SYNE1: variants seen among roughly 807,000 people sequenced by gnomAD.
SYNE1 encodes the protein spectrin repeat containing nuclear envelope protein 1.
Under a neutral mutation model 1,111.0 loss-of-function variants are expected in SYNE1, and 616 were observed. The observed-to-expected ratio is 0.55, with a 90% CI of 0.52 to 0.59. SYNE1 has a LOEUF of 0.59. SYNE1 is among the 20% of genes least tolerant of loss of function. SYNE1 has a pLI of 0.00. For missense variants in SYNE1, 10,006 were observed against 10,417.0 expected (o/e 0.96, Z 1.72); for synonymous variants, 3,855 against 3,825.8 (o/e 1.01, Z -0.28).
chr6:152,628,275 C>T lies in SYNE1; in HGVS notation c.57G>A (p.Gln19=), dbSNP rs1449326545. The T allele has an allele frequency of 3.1e-6, 5 of 1,614,146 alleles. No individual in the cohort carries two copies. Among genetic ancestry groups the T allele is most frequent in the Non-Finnish European group, 4.2e-6 (5 of 1,180,034 alleles). The change falls in exon 3 of 146, where the codon CAG becomes CAA. Residue 19 remains glutamine (Q), a synonymous_variant. Coordinates refer to ENST00000367255, the MANE Select transcript of SYNE1 (RefSeq NM_182961.4). ...RCPRDIANVM[Q]RLQDEQEIVQ... ...ATTTCTTCCCCCTACCTTGCAGCCT[C>T]TGCATCACATTGGCGATATCCCGAG... is the stretch of plus-strand genomic sequence containing the variant.
At chr6:152,522,047 T>G (rs1467574689) in intron 5 of SYNE1, among the ~76,000 whole-genome samples, 51 of 151,868 alleles carry the variant, frequency 3.4e-4, no homozygotes, top group Non-Finnish European at 1.3e-4. Context: ...TTTTACCTTT[T>G]TCTGCTAGAA....
chr6:152,510,401 A>G lies in SYNE1; in HGVS notation c.403-30T>C, dbSNP rs554008902. On this transcript the variant is annotated intron_variant, in intron 7 of 145. Coordinates refer to ENST00000367255, the MANE Select transcript of SYNE1 (RefSeq NM_182961.4). Reference sequence around the variant, plus strand: ...TTGTGAGTTAACAGCCAGCAAAAATATAAGCATTATCTTTGTTATTATTTC... The same window carrying G: ...TTGTGAGTTAACAGCCAGCAAAAATGTAAGCATTATCTTTGTTATTATTTC... 2.5e-6 allele frequency: 4 copies of G among 1,610,172 alleles called. No individual in the cohort carries two copies. In the South Asian group the frequency reaches 3.3e-5, roughly 13 times the overall value.
At chr6:152,584,234 A>G (rs543280975) in intron 3 of SYNE1, among the ~76,000 whole-genome samples, 1 of 152,280 alleles carries the variant, frequency 6.6e-6, no homozygotes, top group Non-Finnish European at 1.5e-5. Flanking sequence ...GCCTGGCCAC[A>G]AAGTTTCAAT....
intron 13 of SYNE1, 116 bp from the exon 14 acceptor site, chr6:152,483,365 A>C: frequency 1.1e-6 from 1 of 893,280 alleles, no homozygotes; most frequent in Non-Finnish European, 1.7e-6. Context: ...TTTCAGGCTA[A>C]GTTAATAAAT....
intron 42 of SYNE1, among the ~76,000 whole-genome samples, chr6:152,413,013 G>A (rs2098091300): frequency 6.6e-6 from 1 of 151,818 alleles, no homozygotes; most frequent in South Asian, 2.1e-4. Context: ...TACCACACTC[G>A]GCAAATTTTT....
At chr6:152,256,612 C>T (rs1430723156) in intron 102 of SYNE1, 22 bp downstream of exon 102, 6 of 1,612,750 alleles carry the variant, frequency 3.7e-6, no homozygotes, top group Admixed American at 3.3e-5. Flanking sequence ...CCAAGCCAAA[C>T]ACACTGATAA....
intron 87 of SYNE1, among the ~76,000 whole-genome samples, chr6:152,314,824 G>A (rs937646382): frequency 1.3e-5 from 2 of 150,566 alleles, no homozygotes; most frequent in Admixed American, 6.6e-5. Flanking sequence ...GATGGCACGT[G>A]CCTGTAGTTC....
chr6:152,278,411 TC>T, intron 97 of SYNE1, 131 bp from the exon 98 acceptor site: 1 of 1,036,780 alleles, frequency 9.6e-7, no homozygotes, highest in Non-Finnish European at 1.5e-6. Context: ...TTTGTAGTTT[TC>T]CCACGGCCTT....
rs1240317654 is a variant in SYNE1, at chr6:152,140,173, T to C, written c.25247-12A>G. 4 of 1,613,702 alleles carry C rather than the reference T, an allele frequency of 2.5e-6. No individual in the cohort carries two copies. The highest frequency in any genetic ancestry group is 1.3e-5 in the African/African-American group (1 of 74,914). ...TCGGTCAATCACACCTGGCAAGACATGCATAGAACAGTGAGGTTATTTTCC... is the reference window on the plus strand; with the variant it reads ...TCGGTCAATCACACCTGGCAAGACACGCATAGAACAGTGAGGTTATTTTCC... On this transcript the variant is annotated splice_polypyrimidine_tract_variant and intron_variant, in intron 139 of 145. Coordinates refer to ENST00000367255, the MANE Select transcript of SYNE1 (RefSeq NM_182961.4).
intron 42 of SYNE1, among the ~76,000 whole-genome samples, chr6:152,412,851 A>ATTTTTTTATTT (rs2098086496): frequency 7.6e-6 from 1 of 131,662 alleles, no homozygotes; most frequent in African/African-American, 2.8e-5. Flanking sequence ...TTCACATGTA[A>ATTTTTTTATTT]TTTTTTTTTT....
At chr6:152,225,583 C>A in intron 116 of SYNE1, 138 bp downstream of exon 116, 6 of 1,005,604 alleles carry the variant, frequency 6.0e-6, no homozygotes, top group South Asian at 2.9e-5. Flanking sequence ...AAGAGGATAA[C>A]GAAGTGGACT....
intron 108 of SYNE1, among the ~76,000 whole-genome samples, chr6:152,237,893 T>C (rs994909216): frequency 1.3e-5 from 2 of 152,200 alleles, no homozygotes; most frequent in Non-Finnish European, 2.9e-5. Context: ...AGTTTCTCAG[T>C]GTGAGTATGC....
At position 152,331,490 on chromosome 6, in the gene SYNE1, T is replaced by C; in HGVS notation, c.13195A>G (p.Met4399Val). Reference sequence around the variant, plus strand: ...TCCTTTATAAGCGATTTCAGGAGCATCTGCTTGGCCTCCAGTTCACTGCAG... The same window carrying C: ...TCCTTTATAAGCGATTTCAGGAGCACCTGCTTGGCCTCCAGTTCACTGCAG... ...AICSELEAKQ[M>V]LLKSLIKDAD... Residue 4399 changes from methionine (M) to valine (V), a missense_variant, in exon 78 of 146, where the codon ATG becomes GTG. Transcript: ENST00000367255. 2 of 1,614,094 alleles carry C rather than the reference T, an allele frequency of 1.2e-6. No individual in the cohort carries two copies. The highest frequency in any genetic ancestry group is 8.5e-7 in the Non-Finnish European group (1 of 1,179,984).
At chr6:152,294,863 G>T (rs2153788602) in intron 93 of SYNE1, among the ~76,000 whole-genome samples, 1 of 152,254 alleles carries the variant, frequency 6.6e-6, no homozygotes, top group South Asian at 2.1e-4. Context: ...ATATAGTAAA[G>T]ATGGTTTTTA....
At chr6:152,611,061 T>C (rs1171655847) in intron 3 of SYNE1, among the ~76,000 whole-genome samples, 3 of 152,304 alleles carry the variant, frequency 2.0e-5, no homozygotes, top group East Asian at 1.9e-4. Flanking sequence ...GTAAAGACCA[T>C]TGATGCTATG....
At chr6:152,530,534 A>T (rs2099192034) in intron 4 of SYNE1, among the ~76,000 whole-genome samples, 1 of 151,196 alleles carries the variant, frequency 6.6e-6, no homozygotes, top group African/African-American at 2.4e-5. Context: ...CCTAGGGTCA[A>T]CTGTAGTCTG....
At chr6:152,419,918 A>C (rs1229971769) in intron 39 of SYNE1, among the ~76,000 whole-genome samples, 196 bp from the exon 40 acceptor site, 1 of 152,132 alleles carries the variant, frequency 6.6e-6, no homozygotes, top group Non-Finnish European at 1.5e-5. Context: ...CATTGCCACC[A>C]TTCACCCTGT....
chr6:152,511,346 T>C (rs939934551), intron 6 of SYNE1, among the ~76,000 whole-genome samples: 2 of 152,096 alleles, frequency 1.3e-5, no homozygotes, highest in African/African-American at 4.8e-5. Flanking sequence ...CTTCTTTTGT[T>C]TAAAGTTGAA....
At chr6:152,305,515 G>A (rs2095346470) in intron 91 of SYNE1, among the ~76,000 whole-genome samples, 3 of 152,046 alleles carry the variant, frequency 2.0e-5, no homozygotes, top group African/African-American at 4.8e-5. Flanking sequence ...TGCCCGCCTT[G>A]GCCTCCGAAA....
Sources: gnomAD v4.1 joint callset for allele counts (sites outside exome capture counted in the v4.1 genomes callset) on GRCh38, gnomAD v4.1.1 for gene constraint, MANE v1.5 for transcripts, NCBI Gene and HGNC (gene_info 2026-07-23, HGNC 2026-07-21) for gene names.